The following MISP variants were observed in gnomAD, a reference collection of about 807,000 sequenced individuals.
MISP encodes mitotic spindle positioning.
Under a neutral mutation model 49.3 loss-of-function variants are expected in MISP, and 51 were observed. That is an observed-to-expected ratio of 1.03 (90% CI 0.83 to 1.31). MISP has a LOEUF of 1.31. Among genes scored for constraint, MISP ranks in the 50% most tolerant of loss-of-function variants. The pLI is 0.00. For missense variants in MISP, 1,084 were observed against 935.1 expected, an observed-to-expected ratio of 1.16 and a Z score of -2.08; for synonymous variants, 444 against 392.6, an observed-to-expected ratio of 1.13 and a Z score of -1.55.
upstream of MISP, among the ~76,000 whole-genome samples, chr19:748,685 GCCGGCCC>G (rs2033414144): frequency 6.6e-6 from 1 of 152,216 alleles, no homozygotes; most frequent in African/African-American, 2.4e-5. Flanking sequence ...CTGTAGAGAA[GCCGGCCC>G]CTGGGAAATA....
chr19:754,535 G>T (rs1041618157), intron 1 of MISP, among the ~76,000 whole-genome samples: 6 of 152,258 alleles, frequency 3.9e-5, no homozygotes, highest in Non-Finnish European at 7.3e-5. Context: ...GCTGAGGCAG[G>T]AGAATTGCTT....
chr19:757,125 G>A lies in MISP; in HGVS notation c.179G>A (p.Gly60Asp). 1 of 1,613,294 alleles carries A rather than the reference G, an allele frequency of 6.2e-7. No homozygotes were observed. Among genetic ancestry groups the A allele is most frequent in the Non-Finnish European group, 8.5e-7 (1 of 1,179,890 alleles). ...CCCACTGACCACAGGGCCCAGCAGG[G>A]CGTGCAGAGGCAGGGGGTGTCCTAC... ...TWPTDHRAQQ[G>D]VQRQGVSYSV... The change falls in exon 2 of 5, where the codon GGC (glycine) becomes GAC (aspartate). Residue 60 changes from glycine to aspartate, a missense_variant. Transcript: ENST00000215582.
intron 3 of MISP, chr19:760,301 A>G: frequency 4.9e-6 from 2 of 404,890 alleles, no homozygotes; most frequent in Non-Finnish European, 4.5e-6. Context: ...CAAAGACCAA[A>G]GGACCAACTC....
At chr19:755,769 T>C (rs1339808428) in intron 1 of MISP, among the ~76,000 whole-genome samples, 1 of 152,068 alleles carries the variant, frequency 6.6e-6, no homozygotes. Context: ...TCGTCTCTAC[T>C]AAAAATACAA....
rs1385967995 is a variant in MISP, at chr19:763,717, C to T, written c.*127C>T. On this transcript the variant is annotated 3_prime_UTR_variant, in exon 5 of 5. Coordinates refer to ENST00000215582, the MANE Select transcript of MISP (RefSeq NM_173481.4). Reference sequence around the variant, plus strand: ...GGATCCAAGAACCACAGCTCATCTGCCAACAATCCCACCATGGGCACATTT... The same window carrying T: ...GGATCCAAGAACCACAGCTCATCTGTCAACAATCCCACCATGGGCACATTT... 4 of 658,536 alleles carry T rather than the reference C, an allele frequency of 6.1e-6. No homozygotes were observed. The African/African-American group carries it at 7.2e-5, about 12-fold the overall frequency. The allele number at this position is 658,536 out of a possible 1,614,324, so 40.8% of individuals were successfully genotyped here.
intron 1 of MISP, among the ~76,000 whole-genome samples, chr19:753,068 G>A (rs747915794): frequency 1.3e-5 from 2 of 152,224 alleles, no homozygotes; most frequent in African/African-American, 2.4e-5. Flanking sequence ...CTGGGCTGAC[G>A]GTTTCGGGTG....
rs1368321935 is a variant in MISP, at chr19:763,558, T to A, written c.2008T>A (p.Ser670Thr). Reference protein sequence around the residue: ...HKNAMAERWESRIYASEEDD With the variant: ...HKNAMAERWETRIYASEEDD ...GAACGCCATGGCAGAGCGCTGGGAA[T>A]CCCGCATCTACGCCAGTGAGGAGGA... Residue 670 changes from serine to threonine, a missense_variant, in exon 5 of 5, where the codon TCC (serine) becomes ACC (threonine). Physicochemically the swap from Ser to Thr is moderately conservative, Grantham distance 58. Transcript: ENST00000215582. The A allele has an allele frequency of 1.9e-6, 3 of 1,613,842 alleles. No homozygotes were observed. The highest frequency in any genetic ancestry group is 2.5e-6 in the Non-Finnish European group (3 of 1,179,982).
chr19:756,993 A>T lies in MISP; in HGVS notation c.47A>T (p.His16Leu). ...RYPILGIPQAHRGTGLVLDGD... is the reference protein window; with the variant it reads ...RYPILGIPQALRGTGLVLDGD... ...CCCATCCTGGGCATCCCTCAGGCAC[A>T]CCGTGGCACCGGCCTGGTGCTGGAT... The change falls in exon 2 of 5, where the codon CAC (histidine) becomes CTC (leucine). Residue 16 changes from histidine to leucine, a missense_variant. Coordinates refer to ENST00000215582, the MANE Select transcript of MISP (RefSeq NM_173481.4). 1 of 1,597,378 alleles carries T rather than the reference A, an allele frequency of 6.3e-7. No homozygotes were observed. The highest frequency in any genetic ancestry group is 8.5e-7 in the Non-Finnish European group (1 of 1,170,704).
intron 4 of MISP, 58 bp downstream of exon 4, chr19:761,721 GCACA>G: frequency 6.3e-7 from 1 of 1,588,284 alleles, no homozygotes; most frequent in Non-Finnish European, 8.6e-7. Context: ...CTGTGCCCCT[GCACA>G]CAGGGGCCAA....
At chr19:750,013 C>T (rs536933729), upstream of MISP, among the ~76,000 whole-genome samples, 61 of 152,176 alleles carry the variant, frequency 4.0e-4, no homozygotes, top group South Asian at 0.012. Flanking sequence ...GTTCCCTGCC[C>T]TCATAGACGG....
At chr19:750,734 G>A (rs34602984), upstream of MISP, among the ~76,000 whole-genome samples, 17,275 of 152,182 alleles carry the variant, frequency 0.11, 1,062 homozygotes, top group Admixed American at 0.15. Flanking sequence ...CAGAAGGCAC[G>A]GACGGGATTG....
In MISP at chr19:758,615, C is replaced by T. The variant is rs764138676; in HGVS notation, c.1669C>T (p.Arg557Trp). The T allele has an allele frequency of 1.3e-5, 21 of 1,614,242 alleles. No individual in the cohort carries two copies. The highest frequency in any genetic ancestry group is 1.6e-4 in the Middle Eastern group (1 of 6,062). ...LERERESVLR[R>W]EQEVAEERRN... ...AAGGGAGAGGGAGAGTGTCCTGCGC[C>T]GGGAGCAAGAGGTGGCAGAGGAGCG... The change falls in exon 2 of 5, where the codon CGG (arginine) becomes TGG (tryptophan). Residue 557 changes from arginine (R) to tryptophan (W), a missense_variant. Physicochemically the swap from Arg to Trp is moderately radical, Grantham distance 101 (BLOSUM62 -3). Coordinates refer to ENST00000215582, the MANE Select transcript of MISP (RefSeq NM_173481.4).
chr19:757,426 G>T lies in MISP; in HGVS notation c.480G>T (p.Thr160=). 30 of 1,597,816 alleles carry T rather than the reference G, an allele frequency of 1.9e-5. No individual in the cohort carries two copies. The highest frequency in any genetic ancestry group is 2.5e-5 in the Non-Finnish European group (29 of 1,173,002). The part of the protein sequence containing the change: ...QAVRKSSTVA[T]LQGTPDHGDP... ...TCAGGAAGAGCAGCACCGTGGCCAC[G>T]CTCCAGGGCACTCCTGACCACGGAG... Residue 160 remains threonine (T), a synonymous_variant, in exon 2 of 5, where the codon ACG becomes ACT. Transcript: ENST00000215582.
chr19:754,930 T>TGGGTGGAAGAGGAGGGTCTGGTTTG (rs2033523451), intron 1 of MISP, among the ~76,000 whole-genome samples: 4 of 133,732 alleles, frequency 3.0e-5, no homozygotes, highest in Non-Finnish European at 6.5e-5. Context: ...GGGTCTGGTT[T>TGGGTGGAAGAGGAGGGTCTGGTTTG]GGGTGGAAGA....
chr19:753,128 G>T (rs1195938025), intron 1 of MISP, among the ~76,000 whole-genome samples: 1 of 152,240 alleles, frequency 6.6e-6, no homozygotes, highest in Non-Finnish European at 1.5e-5. Flanking sequence ...CCACGGAGGA[G>T]GAGGCCTCGG....
At position 757,974 on chromosome 19, in the gene MISP, A is replaced by G. The variant is rs768271948; in HGVS notation, c.1028A>G (p.Glu343Gly). 6.3e-7 allele frequency: 1 copy of G among 1,583,872 alleles called. No individual in the cohort carries two copies. Among genetic ancestry groups the G allele is most frequent in the East Asian group, 2.2e-5 (1 of 44,618 alleles). ...AGCCTGATCACAGCCCCACGGCGGG[A>G]GAGAGGGCGCCCGTCCCTCTACGTG... is the stretch of plus-strand genomic sequence containing the variant. ...KLSLITAPRR[E>G]RGRPSLYVQR... The change falls in exon 2 of 5, where the codon GAG becomes GGG. Residue 343 changes from glutamate (E) to glycine (G), a missense_variant. Coordinates refer to ENST00000215582, the MANE Select transcript of MISP (RefSeq NM_173481.4).
Position 763,738 on chromosome 19 carries a change from C to T in MISP, c.*148C>T, listed in dbSNP as rs888532329. ...TCTGCCAACAATCCCACCATGGGCA[C>T]ATTTGGGACTGTTGGGTTTTTCGTT... On this transcript the variant is annotated 3_prime_UTR_variant, in exon 5 of 5. Coordinates refer to ENST00000215582, the MANE Select transcript of MISP (RefSeq NM_173481.4). The T allele has an allele frequency of 8.2e-6, 5 of 611,260 alleles. No individual in the cohort carries two copies. Among genetic ancestry groups the T allele is most frequent in the Admixed American group, 2.8e-5 (1 of 36,100 alleles). The allele number at this position is 611,260 out of a possible 1,614,324, so 37.9% of individuals were successfully genotyped here.
rs751601521 is a variant in MISP, at chr19:757,997, G to A, written c.1051G>A (p.Val351Met). The A allele has an allele frequency of 7.0e-6, 11 of 1,575,794 alleles. No homozygotes were observed. The highest frequency in any genetic ancestry group is 6.7e-5 in the East Asian group (3 of 44,584). The change falls in exon 2 of 5, where the codon GTG becomes ATG. Residue 351 changes from valine (V) to methionine (M), a missense_variant. By Grantham distance (21) the Val-to-Met change is conservative. Coordinates refer to ENST00000215582, the MANE Select transcript of MISP (RefSeq NM_173481.4). ...RRERGRPSLY[V>M]QRDIVQETQR... is the part of the protein sequence containing the mutation. The stretch of plus-strand genomic sequence containing the variant: ...GGAGAGAGGGCGCCCGTCCCTCTAC[G>A]TGCAGCGGGACATAGTACAGGAGAC...
At position 760,004 on chromosome 19, in the gene MISP, A is replaced by G. The variant is rs369969065; in HGVS notation, c.1876A>G (p.Ser626Gly). 8.1e-6 allele frequency: 13 copies of G among 1,613,932 alleles called. No individual in the cohort carries two copies. Among genetic ancestry groups the G allele is most frequent in the South Asian group, 4.4e-5 (4 of 91,090 alleles). The part of the protein sequence containing the change: ...VAWTVEDPVD[S>G]APPGQRKKEQ... Reference sequence around the variant, plus strand: ...GTGGACAGTGGAAGATCCAGTGGACAGTGCTCCTCCCGGGCAGAGAAAGAA... The same window carrying G: ...GTGGACAGTGGAAGATCCAGTGGACGGTGCTCCTCCCGGGCAGAGAAAGAA... The change falls in exon 3 of 5, where the codon AGT becomes GGT. Residue 626 changes from serine to glycine, a missense_variant. By Grantham distance (56) the Ser-to-Gly change is moderately conservative. Coordinates refer to ENST00000215582, the MANE Select transcript of MISP (RefSeq NM_173481.4).
Sources: gnomAD v4.1 joint callset for allele counts (sites outside exome capture counted in the v4.1 genomes callset) on GRCh38, gnomAD v4.1.1 for gene constraint, MANE v1.5 for transcripts, NCBI Gene and HGNC (gene_info 2026-07-23, HGNC 2026-07-21) for gene names.